Variants in PDGFRB observed in about 807,000 individuals in gnomAD.
PDGFRB encodes platelet derived growth factor receptor beta, also known as platelet-derived growth factor receptor beta.
In PDGFRB, 42 loss-of-function variants were observed where a neutral mutation model predicts 120.2. That is an observed-to-expected ratio of 0.35 (90% CI 0.27 to 0.45). PDGFRB has a LOEUF of 0.45. PDGFRB is among the 20% of genes least tolerant of loss of function. The pLI, the probability that PDGFRB is intolerant of heterozygous loss-of-function variation, is 1.00. For synonymous variants in PDGFRB, 586 were observed against 606.8 expected, an observed-to-expected ratio of 0.97 and a Z score of 0.50; for missense variants, 1,149 against 1,476.3, an observed-to-expected ratio of 0.78 and a Z score of 3.63.
At chr5:150,135,916 G>C (rs1456453604) in intron 2 of PDGFRB, 38 bp from the exon 3 acceptor site, 1 of 1,433,552 alleles carries the variant, frequency 7.0e-7, no homozygotes, top group Non-Finnish European at 9.4e-7. Flanking sequence ...GGAAACAGGG[G>C]CTTCAGCACC....
At chr5:150,155,031 T>C (rs951849265) in intron 1 of PDGFRB, among the ~76,000 whole-genome samples, 9 of 152,102 alleles carry the variant, frequency 5.9e-5, no homozygotes, top group Non-Finnish European at 2.9e-5. Context: ...CTGCTTTCTG[T>C]GTACCCTGCC....
intron 1 of PDGFRB, among the ~76,000 whole-genome samples, chr5:150,143,918 C>A (rs966569966): frequency 6.6e-6 from 1 of 152,154 alleles, no homozygotes; most frequent in Non-Finnish European, 1.5e-5. Context: ...AGCAGCCCGG[C>A]GCAGCCCACT....
At chr5:150,125,905 C>A (rs1273208090) in intron 11 of PDGFRB, among the ~76,000 whole-genome samples, 1 of 152,184 alleles carries the variant, frequency 6.6e-6, no homozygotes, top group Non-Finnish European at 1.5e-5. Context: ...GAGCAGGTGA[C>A]CCCAGAAAGT....
chr5:150,137,102 C>T (rs2113915167), intron 1 of PDGFRB, 49 bp from the exon 2 acceptor site: 1 of 1,504,110 alleles, frequency 6.6e-7, no homozygotes, highest in Non-Finnish European at 9.2e-7. Flanking sequence ...GAGGCAGCGA[C>T]AGGGGCTATC....
intron 1 of PDGFRB, chr5:150,154,086 G>A (rs539343057): frequency 6.6e-6 from 1 of 152,170 alleles, no homozygotes; most frequent in Non-Finnish European, 1.5e-5. Context: ...CACCAACAGG[G>A]GAGGGCCAAG....
At chr5:150,136,688 C>T (rs1007444088) in intron 2 of PDGFRB, among the ~76,000 whole-genome samples, 2 of 152,146 alleles carry the variant, frequency 1.3e-5, no homozygotes, top group Non-Finnish European at 2.9e-5. Flanking sequence ...GGGGTCCAAG[C>T]CGAGTGCCAC....
intron 2 of PDGFRB, 37 bp downstream of exon 2, chr5:150,136,970 GC>G: frequency 3.2e-6 from 5 of 1,566,918 alleles, no homozygotes; most frequent in Non-Finnish European, 3.5e-6. Context: ...CCACTCCGCA[GC>G]CCCCCGGGTC....
intron 8 of PDGFRB, among the ~76,000 whole-genome samples, chr5:150,131,308 A>G (rs1250163013): frequency 6.6e-6 from 1 of 152,010 alleles, no homozygotes; most frequent in Admixed American, 6.5e-5. Flanking sequence ...TGTTCCAACC[A>G]CACAAGCCTT....
intron 9 of PDGFRB, among the ~76,000 whole-genome samples, 200 bp downstream of exon 9, chr5:150,130,339 A>G (rs527827652): frequency 6.6e-6 from 1 of 152,276 alleles, no homozygotes; most frequent in South Asian, 2.1e-4. Flanking sequence ...GCTAGGCCAA[A>G]CTGCCCAGGG....
chr5:150,142,281 C>G (rs369812763), intron 1 of PDGFRB, among the ~76,000 whole-genome samples: 2 of 152,218 alleles, frequency 1.3e-5, no homozygotes, highest in Non-Finnish European at 2.9e-5. Context: ...CCAGCCCCTG[C>G]TAAGATGTGA....
At chr5:150,126,479 G>T in intron 11 of PDGFRB, 41 bp downstream of exon 11, 1 of 1,024,312 alleles carries the variant, frequency 9.8e-7, no homozygotes, top group Non-Finnish European at 1.6e-6. Context: ...GCAAAATAAT[G>T]ATGTGCCAGT....
chr5:150,135,419 C>A (rs1167661350), intron 3 of PDGFRB, 136 bp downstream of exon 3: 4 of 688,736 alleles, frequency 5.8e-6, no homozygotes, highest in Non-Finnish European at 1.0e-5. Context: ...CCGACTGAGC[C>A]AGGCTGGTTC....
chr5:150,124,767 A>G lies in PDGFRB; in HGVS notation c.1872T>C (p.His624=), dbSNP rs141371542. 492 of 1,605,744 alleles carry G rather than the reference A, an allele frequency of 3.1e-4. 1 individual carries two copies. In the African/African-American group the frequency reaches 5.7e-3, roughly 19 times the overall value. The part of the protein sequence containing the change: ...VVEATAHGLS[H]SQATMKVAVK... ...CGGCCACTTTCATCGTGGCCTGAGAATGGCTCAGGCCATGAGCCGTGGCCT... is the reference window on the plus strand; with the variant it reads ...CGGCCACTTTCATCGTGGCCTGAGAGTGGCTCAGGCCATGAGCCGTGGCCT... The change falls in exon 13 of 23, where the codon CAT becomes CAC. Residue 624 remains histidine, a synonymous_variant. Coordinates refer to ENST00000261799, the MANE Select transcript of PDGFRB (RefSeq NM_002609.4).
At chr5:150,122,728 T>C (rs187807303) in intron 15 of PDGFRB, among the ~76,000 whole-genome samples, 10 of 152,274 alleles carry the variant, frequency 6.6e-5, no homozygotes, top group African/African-American at 2.4e-4. Context: ...ACTGTGCAAA[T>C]TGGGAGGCTT....
At chr5:150,149,055 G>A (rs906899590) in intron 1 of PDGFRB, among the ~76,000 whole-genome samples, 8 of 152,208 alleles carry the variant, frequency 5.3e-5, no homozygotes, top group African/African-American at 1.9e-4. Context: ...GCTGTGTGAG[G>A]ATTTTCTCTG....
rs144832150 is a variant in PDGFRB, at chr5:150,135,032, C to T, written c.365-16G>A. The stretch of plus-strand genomic sequence containing the variant: ...ACGGTGGGATCTGCCAGGAGTGGAG[C>T]CGTGAATAAATCAGGGGAACTGGGT... On this transcript the variant is annotated splice_polypyrimidine_tract_variant and intron_variant, in intron 3 of 22. Transcript: ENST00000261799. 2.9e-6 allele frequency: 4 copies of T among 1,365,580 alleles called. No individual in the cohort carries two copies. The highest frequency in any genetic ancestry group is 3.6e-5 in the Admixed American group (2 of 55,540). The allele number at this position is 1,365,580 out of a possible 1,614,324, so 84.6% of individuals were successfully genotyped here.
intron 1 of PDGFRB, among the ~76,000 whole-genome samples, chr5:150,140,982 C>A (rs530800094): frequency 6.6e-6 from 1 of 152,312 alleles, no homozygotes; most frequent in Admixed American, 6.5e-5. Flanking sequence ...CACAGGCAGG[C>A]CAGGGAGGGG....
intron 1 of PDGFRB, among the ~76,000 whole-genome samples, chr5:150,147,900 T>G (rs977231991): frequency 1.3e-5 from 2 of 152,174 alleles, no homozygotes; most frequent in Non-Finnish European, 2.9e-5. Context: ...TTATTATTAT[T>G]CATTCACTCA....
Position 150,147,668 on chromosome 5 carries a change from G to A in PDGFRB, c.-7+7729C>T, listed in dbSNP as rs1042938955. ...AGCCCTCCTGGGCGGCAGAGCAGGA[G>A]GGCAGAGAACCCCCATGTTTCACTG... On this transcript the variant is annotated intron_variant, in intron 1 of 22. Transcript: ENST00000261799. Among the ~76,000 whole-genome samples the A allele has an allele frequency of 8.5e-5, 13 of 152,204 alleles. No homozygotes were observed. In the South Asian group the frequency reaches 1.7e-3, roughly 19 times the overall value.
Sources: allele counts gnomAD v4.1 joint callset (sites outside exome capture counted in the v4.1 genomes callset), GRCh38; gene constraint gnomAD v4.1.1; transcripts MANE v1.5; gene names NCBI Gene and HGNC (gene_info 2026-07-23, HGNC 2026-07-21).